GPR155: variants seen among roughly 807,000 people sequenced by gnomAD.
GPR155 encodes the protein lysosomal cholesterol signaling protein.
In GPR155, 65 loss-of-function variants were observed where a neutral mutation model predicts 93.1. The ratio of observed to expected loss-of-function variants is 0.70; its 90% CI spans 0.57 to 0.86. The LOEUF (loss-of-function observed/expected upper bound fraction) is 0.86. GPR155 is among the 40% of genes least tolerant of loss of function. GPR155 has a pLI of 0.00. For missense variants in GPR155, 838 were observed against 1,034.8 expected, an observed-to-expected ratio of 0.81 and a Z score of 2.61; for synonymous variants, 319 against 360.1, an observed-to-expected ratio of 0.89 and a Z score of 1.29.
chr2:174,452,955 G>A (rs1387588344), intron 11 of GPR155, among the ~76,000 whole-genome samples: 1 of 152,104 alleles, frequency 6.6e-6, no homozygotes, highest in Non-Finnish European at 1.5e-5. Flanking sequence ...TGGCCAAGAG[G>A]TTATTACTTT....
At chr2:174,478,787 G>A (rs1688239203) in intron 2 of GPR155, among the ~76,000 whole-genome samples, 1 of 151,894 alleles carries the variant, frequency 6.6e-6, no homozygotes, top group South Asian at 2.1e-4. Context: ...AAGAGAGTGG[G>A]AATTCCTTGG....
intron 10 of GPR155, among the ~76,000 whole-genome samples, chr2:174,455,460 GC>G (rs1687489787): frequency 1.3e-5 from 2 of 152,222 alleles, no homozygotes; most frequent in African/African-American, 2.4e-5. Flanking sequence ...GGCCCTTGCA[GC>G]CTCTGAAGCA....
chr2:174,472,589 T>C (rs1351500092), intron 3 of GPR155, among the ~76,000 whole-genome samples: 1 of 152,236 alleles, frequency 6.6e-6, no homozygotes, highest in East Asian at 1.9e-4. Flanking sequence ...CATTAGAAAT[T>C]ATTGTTCTGG....
chr2:174,467,138 C>G (rs903277205), intron 5 of GPR155, among the ~76,000 whole-genome samples: 1 of 151,768 alleles, frequency 6.6e-6, no homozygotes, highest in Admixed American at 6.6e-5. Context: ...GCCTGGGTGA[C>G]AGAGCAAGAC....
Position 174,442,168 on chromosome 2 carries a change from CA to C in GPR155, c.2124del (p.Phe708LeufsTer6). 1 of 1,380,738 alleles carries C rather than the reference CA, an allele frequency of 7.2e-7. No homozygotes were observed. Among genetic ancestry groups the C allele is most frequent in the Non-Finnish European group, 1.0e-6 (1 of 969,558 alleles). 85.5% of individuals were successfully genotyped at this position (1,380,738 alleles called of 1,614,324 possible). Reference sequence around the variant, plus strand: ...AAATGTTTATCTAATCCAAAGATTCCAAAGGAAATAAATCCCTAGGGAAGAA... The same window carrying C: ...AAATGTTTATCTAATCCAAAGATTCCAAGGAAATAAATCCCTAGGGAAGAA... ...VFNFGQGFISFGIFGLDKHLI... is the reference protein window; with the variant it reads ...VFNFGQGFISXGIFGLDKHLI... On this transcript the variant is annotated frameshift_variant, in exon 14 of 16. Transcript: ENST00000392552. LOFTEE classifies it high-confidence loss of function.
At chr2:174,486,363 A>T (rs1688479966) in intron 1 of GPR155, among the ~76,000 whole-genome samples, 2 of 152,134 alleles carry the variant, frequency 1.3e-5, no homozygotes, top group African/African-American at 4.8e-5. Flanking sequence ...CAGCTGTGGA[A>T]GTGGAAAGGC....
rs1334325005 is a variant in GPR155, at chr2:174,433,480, T to G, written c.*2636A>C. On this transcript the variant is annotated 3_prime_UTR_variant, in exon 16 of 16. Coordinates refer to ENST00000392552, the MANE Select transcript of GPR155 (RefSeq NM_152529.7). ...GGAACATGCTAGATGCTCGATAAGT[T>G]ATTTGTTAAATGAACATTCAAGTAC... 1 of 152,232 alleles carries G rather than the reference T, an allele frequency of 6.6e-6. No individual in the cohort carries two copies. The highest frequency in any genetic ancestry group is 2.4e-5 in the African/African-American group (1 of 41,462). The allele number at this position is 152,232 out of a possible 1,614,324, so 9.4% of individuals were successfully genotyped here. A position where few individuals can be genotyped will look rare whatever the true frequency, so the allele number is the denominator to read the frequency against.
intron 14 of GPR155, among the ~76,000 whole-genome samples, chr2:174,440,501 A>C (rs1284879066): frequency 6.6e-6 from 1 of 152,210 alleles, no homozygotes; most frequent in Admixed American, 6.5e-5. Flanking sequence ...CCTACACATT[A>C]GAATCGTTGA....
chr2:174,472,315 A>G (rs545972879), intron 3 of GPR155, among the ~76,000 whole-genome samples: 15 of 152,306 alleles, frequency 9.8e-5, no homozygotes, highest in Admixed American at 2.6e-4. Flanking sequence ...CTGAGGCAGG[A>G]GAATAGCTTG....
rs532306523 is a variant in GPR155 at position 174,437,773 on chromosome 2, G to A, written c.2313-1357C>T. On this transcript the variant is annotated intron_variant, in intron 15 of 15. Coordinates refer to ENST00000392552, the MANE Select transcript of GPR155 (RefSeq NM_152529.7). ...CTAATTTTGTGTTTTTAGTAGAGACGGGATTTCTCCATGTTGGTCAGGCTG... is the reference window on the plus strand; with the variant it reads ...CTAATTTTGTGTTTTTAGTAGAGACAGGATTTCTCCATGTTGGTCAGGCTG... Among the ~76,000 whole-genome samples the A allele has an allele frequency of 4.6e-5, 7 of 151,246 alleles. No homozygotes were observed. In the East Asian group the frequency reaches 7.9e-4, roughly 17 times the overall value.
rs1412759089 is a variant in GPR155, at chr2:174,434,562, G to C, written c.*1554C>G. 6.6e-6 allele frequency: 1 copy of C among 151,748 alleles called. No homozygotes were observed. Among genetic ancestry groups the C allele is most frequent in the Non-Finnish European group, 1.5e-5 (1 of 67,944 alleles). 9.4% of individuals were successfully genotyped at this position (151,748 alleles called of 1,614,324 possible). On this transcript the variant is annotated 3_prime_UTR_variant, in exon 16 of 16. Transcript: ENST00000392552. ...ATAGATTAGTAATTTGGGTAGAAAAGAAAAGACAAACTTTAAAAAAAAATA... is the reference window on the plus strand; with the variant it reads ...ATAGATTAGTAATTTGGGTAGAAAACAAAAGACAAACTTTAAAAAAAAATA...
rs776605607 is a variant in GPR155, at chr2:174,446,715, T to C, written c.1909A>G (p.Ser637Gly). 2 of 1,613,820 alleles carry C rather than the reference T, an allele frequency of 1.2e-6. No homozygotes were observed. Among genetic ancestry groups the C allele is most frequent in the African/African-American group, 2.7e-5 (2 of 75,046 alleles). The change falls in exon 12 of 16, where the codon AGC (serine) becomes GGC (glycine). Residue 637 changes from serine (S) to glycine (G), a missense_variant. Physicochemically the swap from Ser to Gly is moderately conservative, Grantham distance 56. Coordinates refer to ENST00000392552, the MANE Select transcript of GPR155 (RefSeq NM_152529.7). ...NHCVSRCNSQ[S>G]CILAQEEEQY... ...TCTTCTTCCTGGGCTAATATGCAGC[T>C]CTGGGAGTTACAGCGACTCACACAA... is the stretch of plus-strand genomic sequence containing the variant.
intron 11 of GPR155, among the ~76,000 whole-genome samples, chr2:174,451,846 T>TA: frequency 6.6e-6 from 1 of 152,172 alleles, no homozygotes; most frequent in Admixed American, 6.5e-5. Flanking sequence ...AGGGTCTGGC[T>TA]ATGTTGCCCA....
At chr2:174,438,429 G>A (rs1420272587) in intron 15 of GPR155, among the ~76,000 whole-genome samples, 1 of 152,216 alleles carries the variant, frequency 6.6e-6, no homozygotes, top group Non-Finnish European at 1.5e-5. Context: ...CTTCCCAAGA[G>A]CTGGCAATCA....
rs754207288 is a variant in GPR155, at chr2:174,433,304, T to C, written c.*2812A>G. 7.9e-5 allele frequency: 12 copies of C among 152,182 alleles called. No individual in the cohort carries two copies. The highest frequency in any genetic ancestry group is 1.7e-4 in the African/African-American group (7 of 41,450). 9.4% of individuals were successfully genotyped at this position (152,182 alleles called of 1,614,324 possible). ...TAAAGTTTACCTGAAGATGCTATGG[T>C]CTAAATGTCTGTGTCCTCCTAGAAT... is the stretch of plus-strand genomic sequence containing the variant. On this transcript the variant is annotated 3_prime_UTR_variant, in exon 16 of 16. Coordinates refer to ENST00000392552, the MANE Select transcript of GPR155 (RefSeq NM_152529.7).
rs565571196 is a variant in GPR155 at position 174,475,047 on chromosome 2, G to A, written c.461-1683C>T. 5.3e-5 allele frequency among the ~76,000 whole-genome samples: 8 copies of A among 152,022 alleles called. No homozygotes were observed. In the East Asian group the frequency reaches 1.6e-3, roughly 29 times the overall value. On this transcript the variant is annotated intron_variant, in intron 2 of 15. Transcript: ENST00000392552. Reference sequence around the variant, plus strand: ...GCGGTGGCTCACGCCTGTAATCCCAGCACTTTGGGAGGCCGAGGCGGGCGG... The same window carrying A: ...GCGGTGGCTCACGCCTGTAATCCCAACACTTTGGGAGGCCGAGGCGGGCGG...
At chr2:174,471,498 G>C (rs1312049664) in intron 3 of GPR155, among the ~76,000 whole-genome samples, 1 of 135,226 alleles carries the variant, frequency 7.4e-6, no homozygotes, top group African/African-American at 2.8e-5. Flanking sequence ...ATTAGCAAAG[G>C]AACTAAAACA....
At chr2:174,479,271 G>C (rs868414960) in intron 2 of GPR155, among the ~76,000 whole-genome samples, 2 of 152,032 alleles carry the variant, frequency 1.3e-5, no homozygotes, top group Non-Finnish European at 2.9e-5. Flanking sequence ...TATTCTAATA[G>C]GTCTTTTTCC....
Position 174,442,175 on chromosome 2 carries a change from A to C in GPR155, c.2118T>G (p.Ile706Met). 7.4e-7 allele frequency: 1 copy of C among 1,352,752 alleles called. No homozygotes were observed. Among genetic ancestry groups the C allele is most frequent in the Non-Finnish European group, 1.1e-6 (1 of 943,754 alleles). The allele number at this position is 1,352,752 out of a possible 1,614,324, so 83.8% of individuals were successfully genotyped here. A position where few individuals can be genotyped will look rare whatever the true frequency, so the allele number is the denominator to read the frequency against. The change falls in exon 14 of 16, where the codon ATT (isoleucine) becomes ATG (methionine). Residue 706 changes from isoleucine (I) to methionine (M), a missense_variant. Physicochemically the swap from Ile to Met is conservative, Grantham distance 10. This residue lies in a region of GPR155 where 29 missense variants were observed against 67.1 expected (regional missense o/e 0.43). Transcript: ENST00000392552. ...TATCTAATCCAAAGATTCCAAAGGA[A>C]ATAAATCCCTAGGGAAGAAAACAAA... The part of the protein sequence containing the change: ...CAVFNFGQGF[I>M]SFGIFGLDKH...
Sources: allele counts gnomAD v4.1 joint callset (sites outside exome capture counted in the v4.1 genomes callset), GRCh38; gene constraint gnomAD v4.1.1; regional missense constraint gnomAD v4.1.1; transcripts MANE v1.5; gene names NCBI Gene and HGNC (gene_info 2026-07-23, HGNC 2026-07-21).